The following TRMT44 variants were observed in gnomAD, a reference collection of about 807,000 sequenced individuals.
TRMT44 encodes the protein tRNA methyltransferase 44 homolog, also known as probable tRNA (uracil-O(2)-)-methyltransferase.
Under a neutral mutation model 77.3 loss-of-function variants are expected in TRMT44, and 78 were observed. The observed-to-expected ratio is 1.01, with a 90% CI of 0.84 to 1.22. TRMT44 has a LOEUF of 1.22. TRMT44 is among the 50% of genes most tolerant of loss of function. The probability of loss-of-function intolerance (pLI) is 0.00; values close to 1 mark genes in which losing one functional copy is unlikely to be tolerated. For synonymous variants in TRMT44, 391 were observed against 383.3 expected, an observed-to-expected ratio of 1.02 and a Z score of -0.23; for missense variants, 1,090 against 964.4, an observed-to-expected ratio of 1.13 and a Z score of -1.73.
At position 8,451,091 on chromosome 4, in the gene TRMT44, G is replaced by T. The variant is rs995021049; in HGVS notation, c.955-869G>T. Among the ~76,000 whole-genome samples the T allele has an allele frequency of 6.6e-6, 1 of 152,026 alleles. No homozygotes were observed. The highest frequency in any genetic ancestry group is 2.4e-5 in the African/African-American group (1 of 41,462). ...TCCATGTATTTTTTTAATCAGTCAC[G>T]TCTTGCTCTGTAACAAAAGCACCCC... On this transcript the variant is annotated intron_variant, in intron 3 of 10. Transcript: ENST00000389737. The surrounding 1 kb of genome is among the most constrained non-coding windows in gnomAD (Gnocchi z 4.1).
the TRMT44 span, among the ~76,000 whole-genome samples, chr4:8,503,285 C>T: frequency 6.6e-6 from 1 of 152,236 alleles, no homozygotes; most frequent in African/African-American, 2.4e-5. Context: ...AAGCTGTCCC[C>T]TACAGCCCCG....
chr4:8,494,549 G>GCCC (rs1728098945), downstream of TRMT44, among the ~76,000 whole-genome samples: 1 of 152,204 alleles, frequency 6.6e-6, no homozygotes, highest in South Asian at 2.1e-4. Context: ...TGACGTGGAA[G>GCCC]CCCCTGCTTC....
At chr4:8,453,876 C>T (rs77248270) in intron 5 of TRMT44, among the ~76,000 whole-genome samples, 4,266 of 152,206 alleles carry the variant, frequency 0.028, 72 homozygotes, top group South Asian at 0.041. Flanking sequence ...TGATAGGCTG[C>T]GCATATTTGT....
At chr4:8,510,154 T>G in the TRMT44 span, 1 of 152,656 alleles carries the variant, frequency 6.6e-6, no homozygotes, top group South Asian at 2.1e-4. Flanking sequence ...ACGTGATCGG[T>G]TCTCACTGGA....
chr4:8,458,511 T>C (rs1006816036), intron 6 of TRMT44, among the ~76,000 whole-genome samples: 2 of 150,028 alleles, frequency 1.3e-5, no homozygotes, highest in African/African-American at 4.9e-5. Flanking sequence ...TCGCCCAGGC[T>C]GGAGTGCAGT....
chr4:8,511,156 G>A, the TRMT44 span, among the ~76,000 whole-genome samples: 15 of 152,344 alleles, frequency 9.8e-5, no homozygotes, highest in East Asian at 2.7e-3. Flanking sequence ...AAGTGTCTAT[G>A]CTTAGTGATG....
downstream of TRMT44, among the ~76,000 whole-genome samples, chr4:8,481,433 G>A (rs1225189669): frequency 2.6e-5 from 4 of 152,210 alleles, no homozygotes; most frequent in African/African-American, 9.7e-5. Flanking sequence ...ATTTGGCTCA[G>A]AATAAATCTC....
At chr4:8,468,901 C>T (rs762576281) in intron 9 of TRMT44, among the ~76,000 whole-genome samples, 10 of 152,200 alleles carry the variant, frequency 6.6e-5, no homozygotes, top group South Asian at 4.1e-4. Context: ...GTAAGGACCT[C>T]GCCTCCTTCC....
At position 8,451,052 on chromosome 4, in the gene TRMT44, G is replaced by C. The variant is rs1266255895; in HGVS notation, c.955-908G>C. ...TAAAGTGCTTGGATTACAGGCTTGAGCCACTGCCCGGCTTCCATGTATTTT... is the reference window on the plus strand; with the variant it reads ...TAAAGTGCTTGGATTACAGGCTTGACCCACTGCCCGGCTTCCATGTATTTT... On this transcript the variant is annotated intron_variant, in intron 3 of 10. Transcript: ENST00000389737. This position sits in a 1 kb window ranked among gnomAD's most constrained non-coding sequence, Gnocchi z 4.1. Among the ~76,000 whole-genome samples, 2 of 152,100 alleles carry C rather than the reference G, an allele frequency of 1.3e-5. No homozygotes were observed. The highest frequency in any genetic ancestry group is 3.9e-4 in the East Asian group (2 of 5,190).
chr4:8,488,229 G>T (rs545945213), intron 2 of TRMT44, among the ~76,000 whole-genome samples: 10 of 152,334 alleles, frequency 6.6e-5, no homozygotes, highest in African/African-American at 2.4e-4. Flanking sequence ...TTTCCTAAGG[G>T]AGGTTCCCCG....
Position 8,440,790 on chromosome 4 carries a change from G to A in TRMT44, c.-33G>A, listed in dbSNP as rs1294592406. On this transcript the variant is annotated 5_prime_UTR_variant, in exon 1 of 11. Coordinates refer to ENST00000389737, the MANE Select transcript of TRMT44 (RefSeq NM_152544.3). The stretch of plus-strand genomic sequence containing the variant: ...CCACCGGGCTGCGTCATCTCGGCGC[G>A]CCGCTGCCAGGGCTGTACACCTGCT... The A allele has an allele frequency of 1.5e-6, 2 of 1,377,830 alleles. No homozygotes were observed. The highest frequency in any genetic ancestry group is 9.3e-7 in the Non-Finnish European group (1 of 1,070,576). The allele number at this position is 1,377,830 out of a possible 1,614,324, so 85.4% of individuals were successfully genotyped here.
chr4:8,490,863 G>C (rs925212345), intron 2 of TRMT44, among the ~76,000 whole-genome samples: 1 of 152,172 alleles, frequency 6.6e-6, no homozygotes, highest in Non-Finnish European at 1.5e-5. Context: ...GGTGCTGATT[G>C]GTGCGTTTAC....
At position 8,452,872 on chromosome 4, in the gene TRMT44, C is replaced by G; in HGVS notation, c.1024-10C>G. 1 of 1,490,330 alleles carries G rather than the reference C, an allele frequency of 6.7e-7. No individual in the cohort carries two copies. The highest frequency in any genetic ancestry group is 9.0e-7 in the Non-Finnish European group (1 of 1,113,320). 92.3% of individuals were successfully genotyped at this position (1,490,330 alleles called of 1,614,324 possible). Reference sequence around the variant, plus strand: ...CCACCTGACTTTGTTTTGTTTTTCTCTTCACTTAGATTCTATGGGAAGAAG... The same window carrying G: ...CCACCTGACTTTGTTTTGTTTTTCTGTTCACTTAGATTCTATGGGAAGAAG... On this transcript the variant is annotated splice_polypyrimidine_tract_variant and intron_variant, in intron 4 of 10. Coordinates refer to ENST00000389737, the MANE Select transcript of TRMT44 (RefSeq NM_152544.3). This position sits in a 1 kb window ranked among gnomAD's most constrained non-coding sequence, Gnocchi z 5.7.
chr4:8,441,362 C>T lies in TRMT44; in HGVS notation c.540C>T (p.Asp180=), dbSNP rs1200709417. 5 of 1,534,704 alleles carry T rather than the reference C, an allele frequency of 3.3e-6. No homozygotes were observed. Among genetic ancestry groups the T allele is most frequent in the Non-Finnish European group, 3.5e-6 (4 of 1,146,090 alleles). Residue 180 remains aspartate, a synonymous_variant, in exon 1 of 11, where the codon GAC becomes GAT. Transcript: ENST00000389737. ...GSQPEAQREL[D]VVLRTVIPKT... ...AGCCAGAGGCGCAGCGTGAGCTCGA[C>T]GTGGTTCTCAGAACCGTCATCCCGA...
chr4:8,489,084 C>G (rs1011965131), intron 2 of TRMT44, among the ~76,000 whole-genome samples: 4 of 152,222 alleles, frequency 2.6e-5, no homozygotes, highest in Non-Finnish European at 5.9e-5. Flanking sequence ...GGAACTGTGT[C>G]ATCCGGCAAC....
At position 8,468,022 on chromosome 4, in the gene TRMT44, C is replaced by T. The variant is rs776190534; in HGVS notation, c.1603C>T (p.Pro535Ser). ...CAGGCGGGGCTGCCCTGTAAGCCCA[C>T]CTGGCTGGGAGCTTTCCCCTTCTCC... ...KSRRGCPVSP[P>S]GWELSPSPRW... Residue 535 changes from proline to serine, a missense_variant, in exon 9 of 11, where the codon CCT (proline) becomes TCT (serine). By Grantham distance (74) the Pro-to-Ser change is moderately conservative (BLOSUM62 -1). Coordinates refer to ENST00000389737, the MANE Select transcript of TRMT44 (RefSeq NM_152544.3). 10 of 1,614,002 alleles carry T rather than the reference C, an allele frequency of 6.2e-6. No individual in the cohort carries two copies. The highest frequency in any genetic ancestry group is 5.1e-6 in the Non-Finnish European group (6 of 1,180,032).
chr4:8,443,998 G>C (rs1051131430), intron 1 of TRMT44, among the ~76,000 whole-genome samples: 1 of 151,896 alleles, frequency 6.6e-6, no homozygotes, highest in Non-Finnish European at 1.5e-5. Context: ...AATCTTAACT[G>C]TTAGTAGCAG....
the TRMT44 span, among the ~76,000 whole-genome samples, chr4:8,508,454 A>G: frequency 6.6e-6 from 1 of 152,144 alleles, no homozygotes; most frequent in Non-Finnish European, 1.5e-5. Context: ...CCCCCTCCCC[A>G]AGTGACCCCC....
chr4:8,494,957 C>T (rs989570376), downstream of TRMT44, among the ~76,000 whole-genome samples: 1 of 152,164 alleles, frequency 6.6e-6, no homozygotes, highest in Non-Finnish European at 1.5e-5. Flanking sequence ...TGAAACATCG[C>T]GATGTAGTGC....
Sources: gnomAD v4.1 joint callset for allele counts (sites outside exome capture counted in the v4.1 genomes callset) on GRCh38, gnomAD v4.1.1 for gene constraint, Gnocchi (gnomAD v3.1) non-coding constraint, MANE v1.5 for transcripts, NCBI Gene and HGNC (gene_info 2026-07-23, HGNC 2026-07-21) for gene names.